TRPM3: variants seen among roughly 807,000 people sequenced by gnomAD.
TRPM3 encodes the protein long transient receptor potential channel 3.
Under a neutral mutation model 181.2 loss-of-function variants are expected in TRPM3, and 77 were observed. The ratio of observed to expected loss-of-function variants is 0.42; its 90% CI spans 0.35 to 0.51. TRPM3 has a LOEUF of 0.51. TRPM3 is among the 20% of genes least tolerant of loss of function. The probability of loss-of-function intolerance (pLI) is 0.01; values close to 1 mark genes in which losing one functional copy is unlikely to be tolerated. For missense variants in TRPM3, 1,759 were observed against 2,196.7 expected (o/e 0.80, Z 3.98); for synonymous variants, 745 against 796.4 (o/e 0.94, Z 1.09).
intron 1 of TRPM3, among the ~76,000 whole-genome samples, chr9:71,349,078 G>T (rs1044372288): frequency 1.3e-5 from 2 of 152,056 alleles, no homozygotes; most frequent in Non-Finnish European, 2.9e-5. Context: ...ACATCACCTG[G>T]CTCATATTAG....
At position 70,767,920 on chromosome 9, in the gene TRPM3, T is replaced by C. The variant is rs577694285; in HGVS notation, c.1149-6196A>G. On this transcript the variant is annotated intron_variant, in intron 7 of 25. Transcript: ENST00000677713. ...ACTTAACCTCAGAAGTCCTAGCATG[T>C]CACTTTCTTGTACTTGATTATTGTA... 2.6e-4 allele frequency among the ~76,000 whole-genome samples: 39 copies of C among 152,324 alleles called. No homozygotes were observed. In the South Asian group the frequency reaches 8.1e-3, roughly 32 times the overall value.
intron 9 of TRPM3, among the ~76,000 whole-genome samples, chr9:70,674,724 ATTTTTTTTTT>A (rs67630432): frequency 2.0e-5 from 2 of 97,882 alleles, no homozygotes; most frequent in Admixed American, 1.2e-4. Flanking sequence ...TATTCAGGCT[ATTTTTTTTTT>A]TTTTTTTTTT....
intron 1 of TRPM3, among the ~76,000 whole-genome samples, chr9:70,880,804 G>C (rs563265916): frequency 6.2e-4 from 94 of 152,156 alleles, no homozygotes; most frequent in African/African-American, 2.2e-3. Flanking sequence ...AAGTAACTTA[G>C]AGGCTACTTA....
At chr9:71,070,265 G>GGTTTCT (rs2062571031) in intron 1 of TRPM3, among the ~76,000 whole-genome samples, 1 of 152,160 alleles carries the variant, frequency 6.6e-6, no homozygotes. Flanking sequence ...CATGCGGCAG[G>GGTTTCT]GTTTCTGCAT....
At chr9:70,671,929 A>AGG (rs756835607) in intron 9 of TRPM3, among the ~76,000 whole-genome samples, 1 of 98,524 alleles carries the variant, frequency 1.0e-5, no homozygotes, top group Admixed American at 8.6e-5. Context: ...ATGTCCAGCT[A>AGG]ATTTTTTTTT....
intron 1 of TRPM3, among the ~76,000 whole-genome samples, chr9:71,279,777 C>G (rs948906936): frequency 6.6e-6 from 1 of 152,110 alleles, no homozygotes; most frequent in African/African-American, 2.4e-5. Context: ...CAATACCCAG[C>G]ATTGACGGAA....
intron 1 of TRPM3, among the ~76,000 whole-genome samples, chr9:70,878,954 A>G (rs745343291): frequency 6.6e-6 from 1 of 152,148 alleles, no homozygotes; most frequent in East Asian, 1.9e-4. Flanking sequence ...AAAGATTACA[A>G]TAACGTTTCA....
intron 1 of TRPM3, among the ~76,000 whole-genome samples, chr9:71,285,652 G>A (rs183954158): frequency 2.6e-5 from 4 of 152,262 alleles, no homozygotes; most frequent in South Asian, 4.2e-4. Flanking sequence ...AAGCTATTTG[G>A]TCCAAGCCAG....
chr9:70,768,153 T>C (rs55843997), intron 7 of TRPM3, among the ~76,000 whole-genome samples: 7,316 of 152,304 alleles, frequency 0.048, 230 homozygotes, highest in South Asian at 0.11. Flanking sequence ...TTACTTTGAA[T>C]TTTCTCTTCT....
At chr9:70,769,190 G>T (rs1434705986) in intron 7 of TRPM3, among the ~76,000 whole-genome samples, 1 of 152,100 alleles carries the variant, frequency 6.6e-6, no homozygotes, top group Non-Finnish European at 1.5e-5. Context: ...CAGAATTTAA[G>T]ATTTGTCTAT....
chr9:71,074,768 T>C (rs924137018), intron 1 of TRPM3, among the ~76,000 whole-genome samples: 1 of 152,112 alleles, frequency 6.6e-6, no homozygotes, highest in Non-Finnish European at 1.5e-5. Flanking sequence ...ACTAAAAACA[T>C]AGAGACCTGG....
chr9:71,040,612 C>T (rs551047105), intron 1 of TRPM3, among the ~76,000 whole-genome samples: 23 of 152,236 alleles, frequency 1.5e-4, no homozygotes, highest in African/African-American at 4.1e-4. Flanking sequence ...CAGAAATAAA[C>T]ATCAATGGAT....
intron 5 of TRPM3, among the ~76,000 whole-genome samples, chr9:70,838,711 A>G (rs1373688982): frequency 6.6e-6 from 1 of 152,116 alleles, no homozygotes; most frequent in African/African-American, 2.4e-5. Context: ...ATATGGAGAA[A>G]CCACAGAGGT....
intron 1 of TRPM3, among the ~76,000 whole-genome samples, chr9:71,312,988 A>G (rs2088124493): frequency 1.3e-5 from 2 of 152,140 alleles, no homozygotes; most frequent in African/African-American, 2.4e-5. Context: ...CATTATACAC[A>G]TTTGCCAAAA....
chr9:71,071,287 T>C (rs1460234563), intron 1 of TRPM3, among the ~76,000 whole-genome samples: 1 of 152,214 alleles, frequency 6.6e-6, no homozygotes, highest in Admixed American at 6.5e-5. Flanking sequence ...AGCCCTGGAC[T>C]GTTCCTCAAG....
chr9:71,284,403 C>T (rs2132225039), intron 1 of TRPM3, among the ~76,000 whole-genome samples: 1 of 152,268 alleles, frequency 6.6e-6, no homozygotes, highest in East Asian at 1.9e-4. Context: ...TTAAAATCAG[C>T]CATCCTTATA....
At chr9:70,908,932 AC>A (rs2096503813) in intron 1 of TRPM3, among the ~76,000 whole-genome samples, 1 of 152,198 alleles carries the variant, frequency 6.6e-6, no homozygotes, top group African/African-American at 2.4e-5. Context: ...CAACAAAACT[AC>A]CGCATCTTAT....
intron 1 of TRPM3, among the ~76,000 whole-genome samples, chr9:71,390,121 GAGAT>G (rs911991123): frequency 4.2e-4 from 64 of 152,126 alleles, no homozygotes; most frequent in Non-Finnish European, 6.8e-4. Context: ...TAGGTATGCA[GAGAT>G]AGATAAGATA....
chr9:71,171,435 G>A (rs1189665172), intron 1 of TRPM3, among the ~76,000 whole-genome samples: 5 of 152,000 alleles, frequency 3.3e-5, no homozygotes, highest in South Asian at 4.2e-4. Flanking sequence ...TGTCTCCCCC[G>A]AACACCCGGC....
Sources: gnomAD v4.1 joint callset for allele counts (sites outside exome capture counted in the v4.1 genomes callset) on GRCh38, gnomAD v4.1.1 for gene constraint, MANE v1.5 for transcripts, NCBI Gene and HGNC (gene_info 2026-07-23, HGNC 2026-07-21) for gene names.